PALLD: variants seen among roughly 807,000 people sequenced by gnomAD.
The protein encoded by PALLD is palladin, cytoskeletal associated protein.
A neutral mutation model predicts 123.5 loss-of-function variants in PALLD; 61 were observed. The observed-to-expected ratio is 0.49, with a 90% CI of 0.40 to 0.61. PALLD has a LOEUF of 0.61. Ranked by LOEUF, PALLD falls within the 20% of genes least tolerant of loss-of-function variation. The probability of loss-of-function intolerance (pLI) is 0.00; values close to 1 mark genes in which losing one functional copy is unlikely to be tolerated. For missense variants in PALLD, 1,273 were observed against 1,377.0 expected (o/e 0.92, Z 1.20); for synonymous variants, 465 against 496.4 (o/e 0.94, Z 0.84).
intron 3 of PALLD, among the ~76,000 whole-genome samples, chr4:168,670,471 C>A (rs570840781): frequency 1.7e-4 from 26 of 152,212 alleles, no homozygotes; most frequent in African/African-American, 6.0e-4. Flanking sequence ...CGGTGGCTCA[C>A]GCCTGTAATC....
chr4:168,587,969 T>A (rs958874700), intron 2 of PALLD, among the ~76,000 whole-genome samples: 1 of 151,144 alleles, frequency 6.6e-6, no homozygotes, highest in African/African-American at 2.4e-5. Flanking sequence ...AAGAAGGGAG[T>A]CTCCTGGTGC....
chr4:168,849,770 CTG>C (rs1747471263), intron 10 of PALLD, among the ~76,000 whole-genome samples: 1 of 149,124 alleles, frequency 6.7e-6, no homozygotes, highest in Non-Finnish European at 1.5e-5. Flanking sequence ...AAAAAAAACA[CTG>C]ACCCTTGGAA....
At chr4:168,784,636 G>A (rs1385992381) in intron 10 of PALLD, among the ~76,000 whole-genome samples, 1 of 152,168 alleles carries the variant, frequency 6.6e-6, no homozygotes, top group Non-Finnish European at 1.5e-5. Flanking sequence ...ATTGAGTCTT[G>A]AACATTGCTC....
At chr4:168,715,659 C>T (rs1029463737) in intron 10 of PALLD, among the ~76,000 whole-genome samples, 23 of 152,060 alleles carry the variant, frequency 1.5e-4, no homozygotes, top group African/African-American at 4.8e-4. Context: ...ACCAAAAAAA[C>T]GGTCCTTCAG....
intron 10 of PALLD, among the ~76,000 whole-genome samples, chr4:168,870,779 G>A (rs1022639756): frequency 6.6e-6 from 1 of 152,162 alleles, no homozygotes; most frequent in Admixed American, 6.5e-5. Context: ...TGGCAGAGCA[G>A]GAGCCACACT....
At chr4:168,671,859 G>C (rs1780318011) in intron 3 of PALLD, among the ~76,000 whole-genome samples, 2 of 152,192 alleles carry the variant, frequency 1.3e-5, no homozygotes, top group African/African-American at 4.8e-5. Context: ...TCAGAGGGTA[G>C]AAAGGTTTCT....
chr4:168,654,689 C>T (rs2149936357), intron 2 of PALLD: 1 of 152,278 alleles, frequency 6.6e-6, no homozygotes, highest in Admixed American at 6.5e-5. Context: ...TCCTGACTTC[C>T]TGTTCTTGCT....
intron 10 of PALLD, among the ~76,000 whole-genome samples, chr4:168,798,238 A>G (rs990806283): frequency 7.9e-5 from 12 of 152,188 alleles, no homozygotes; most frequent in African/African-American, 2.9e-4. Flanking sequence ...GCCTTGCCAT[A>G]TCAAAGGTAA....
Position 168,878,064 on chromosome 4 carries a change from C to T in PALLD, c.1965-12858C>T. 3.4e-6 allele frequency: 5 copies of T among 1,470,552 alleles called. No individual in the cohort carries two copies. The East Asian group carries it at 8.8e-5, about 26-fold the overall frequency. 91.1% of individuals were successfully genotyped at this position (1,470,552 alleles called of 1,614,324 possible). A position where few individuals can be genotyped will look rare whatever the true frequency, so the allele number is the denominator to read the frequency against. On this transcript the variant is annotated intron_variant, in intron 10 of 21. Transcript: ENST00000505667. ...CTCCCGTCGCCCATGTCCCCGACGCCGAGGCAGTTCGGCCGCGCCCCCGTG... is the reference window on the plus strand; with the variant it reads ...CTCCCGTCGCCCATGTCCCCGACGCTGAGGCAGTTCGGCCGCGCCCCCGTG...
intron 17 of PALLD, among the ~76,000 whole-genome samples, chr4:168,918,059 T>A (rs1377038350): frequency 6.6e-6 from 1 of 151,716 alleles, no homozygotes; most frequent in Non-Finnish European, 1.5e-5. Flanking sequence ...ATTAGCCAGG[T>A]GTGGTGGCAT....
chr4:168,581,970 A>T (rs973345411), intron 2 of PALLD, among the ~76,000 whole-genome samples: 1 of 152,068 alleles, frequency 6.6e-6, no homozygotes, highest in Non-Finnish European at 1.5e-5. Context: ...CTTCTTCTGC[A>T]TATAAATATC....
chr4:168,670,233 AT>A (rs1306844297), intron 3 of PALLD, among the ~76,000 whole-genome samples: 1 of 152,218 alleles, frequency 6.6e-6, no homozygotes, highest in East Asian at 1.9e-4. Context: ...TAGAAATATG[AT>A]AAATTTTGGG....
intron 15 of PALLD, among the ~76,000 whole-genome samples, chr4:168,905,138 GTTTTTTTTTTT>G (rs777740588): frequency 0.026 from 904 of 34,536 alleles, 39 homozygotes; most frequent in African/African-American, 0.053. Flanking sequence ...TGTTTTGTTG[GTTTTTTTTTTT>G]TTTTTTTTTT....
At position 168,549,292 on chromosome 4, in the gene PALLD, C is replaced by T. The variant is rs548550177; in HGVS notation, c.908+36880C>T. ...AAAAAAAAAAAAATTAGTATTGCAG[C>T]GTCTAAACCAAAAGCATAAGGGCAG... On this transcript the variant is annotated intron_variant, in intron 2 of 21. Coordinates refer to ENST00000505667, the MANE Select transcript of PALLD (RefSeq NM_001166108.2). Among the ~76,000 whole-genome samples, 12 of 150,764 alleles carry T rather than the reference C, an allele frequency of 8.0e-5. 1 individual carries two copies. The South Asian group carries it at 1.1e-3, about 13-fold the overall frequency.
intron 3 of PALLD, among the ~76,000 whole-genome samples, chr4:168,669,613 A>G (rs2150019641): frequency 6.6e-6 from 1 of 152,126 alleles, no homozygotes; most frequent in East Asian, 1.9e-4. Flanking sequence ...AAAAAGAGAA[A>G]AATTTAAAAA....
At chr4:168,896,741 C>G (rs1755267277) in intron 13 of PALLD, 142 bp downstream of exon 13, 1 of 598,196 alleles carries the variant, frequency 1.7e-6, no homozygotes, top group South Asian at 2.2e-5. Flanking sequence ...CATTTAATAT[C>G]AGATACACAA....
chr4:168,735,459 A>G (rs1787650296), intron 10 of PALLD, among the ~76,000 whole-genome samples: 2 of 152,250 alleles, frequency 1.3e-5, no homozygotes, highest in Admixed American at 1.3e-4. Flanking sequence ...CTATTGCCAT[A>G]TAATAGAACA....
At position 168,643,687 on chromosome 4, in the gene PALLD, G is replaced by A. The variant is rs529814969; in HGVS notation, c.909-24503G>A. Reference sequence around the variant, plus strand: ...CTCCAGAGAACTCCCATTTATGACCGCAGGTGACCTAGCAAAAACTGGGAA... The same window carrying A: ...CTCCAGAGAACTCCCATTTATGACCACAGGTGACCTAGCAAAAACTGGGAA... On this transcript the variant is annotated intron_variant, in intron 2 of 21. Coordinates refer to ENST00000505667, the MANE Select transcript of PALLD (RefSeq NM_001166108.2). Among the ~76,000 whole-genome samples the A allele has an allele frequency of 2.6e-3, 390 of 152,238 alleles. 1 individual carries two copies. Among genetic ancestry groups the A allele is most frequent in the Non-Finnish European group, 4.8e-3 (326 of 68,016 alleles).
intron 2 of PALLD, among the ~76,000 whole-genome samples, chr4:168,596,912 A>G (rs1029856744): frequency 6.0e-5 from 9 of 150,314 alleles, no homozygotes; most frequent in Admixed American, 5.9e-4. Flanking sequence ...TTAAGCCCCA[A>G]TAAATTCAAT....
Sources: allele counts gnomAD v4.1 joint callset (sites outside exome capture counted in the v4.1 genomes callset), GRCh38; gene constraint gnomAD v4.1.1; transcripts MANE v1.5; gene names NCBI Gene and HGNC (gene_info 2026-07-23, HGNC 2026-07-21).